CIAO3: variants seen among roughly 807,000 people sequenced by gnomAD.
The protein encoded by CIAO3 is LET1 like/JFP15.
In CIAO3, 45 loss-of-function variants were observed where a neutral mutation model predicts 51.5. That is an observed-to-expected ratio of 0.87 (90% CI 0.69 to 1.12). The LOEUF (loss-of-function observed/expected upper bound fraction) is 1.12. CIAO3 is among the 50% of genes most tolerant of loss of function. The pLI is 0.00. For missense variants in CIAO3, 668 were observed against 632.5 expected, an observed-to-expected ratio of 1.06 and a Z score of -0.60; for synonymous variants, 314 against 269.3, an observed-to-expected ratio of 1.17 and a Z score of -1.63.
At chr16:740,891 C>A in intron 1 of CIAO3, 29 bp downstream of exon 1, 1 of 1,527,226 alleles carries the variant, frequency 6.5e-7, no homozygotes, top group Non-Finnish European at 8.8e-7. Flanking sequence ...CGAGCGCAGC[C>A]TCGACCCCGC....
intron 4 of CIAO3, among the ~76,000 whole-genome samples, chr16:735,792 G>A (rs1242789313): frequency 2.0e-5 from 3 of 152,188 alleles, no homozygotes; most frequent in Non-Finnish European, 4.4e-5. Context: ...TGAAGGGACT[G>A]GACATGGTGG....
intron 3 of CIAO3, 146 bp from the exon 4 acceptor site, chr16:736,544 T>A: frequency 6.9e-6 from 7 of 1,019,460 alleles, no homozygotes; most frequent in Non-Finnish European, 9.8e-6. Flanking sequence ...ACACAGAGTC[T>A]CACTCTGTTG....
In CIAO3 at chr16:732,329, CG is replaced by C; in HGVS notation, c.867del (p.Asp290ThrfsTer55). ...RLLEEEGVSL[P>X]DLEPAPLDSL... is the part of the protein sequence containing the mutation. ...CTGTCCAGAGGGGCTGGTTCCAGGT[CG>C]GGGAGGGAGACGCCCTCTTCCTCCA... On this transcript the variant is annotated frameshift_variant, in exon 8 of 11. Transcript: ENST00000251588. LOFTEE classifies it high-confidence loss of function. 12 of 1,612,748 alleles carry C rather than the reference CG, an allele frequency of 7.4e-6. No individual in the cohort carries two copies. The highest frequency in any genetic ancestry group is 1.0e-5 in the Non-Finnish European group (12 of 1,179,720).
chr16:737,585 G>T lies in CIAO3; in HGVS notation c.163-256C>A, dbSNP rs2041352372. On this transcript the variant is annotated intron_variant, in intron 2 of 10. Coordinates refer to ENST00000251588, the MANE Select transcript of CIAO3 (RefSeq NM_022493.3). This position sits in a 1 kb window ranked among gnomAD's most constrained non-coding sequence, Gnocchi z 5.3. ...ATCACAGGACTAAGGCTTGCCACTG[G>T]TATCTCAGCAAAGCAGCAGCCACCC... 6.9e-7 allele frequency: 1 copy of T among 1,449,824 alleles called. No individual in the cohort carries two copies. 89.8% of individuals were successfully genotyped at this position (1,449,824 alleles called of 1,614,324 possible).
rs562814658 is a variant in CIAO3 at position 733,931 on chromosome 16, C to T, written c.693+298G>A. The T allele has an allele frequency of 1.9e-5, 8 of 432,234 alleles. No individual in the cohort carries two copies. In the East Asian group the frequency reaches 2.4e-4, roughly 13 times the overall value. 26.8% of individuals were successfully genotyped at this position (432,234 alleles called of 1,614,324 possible). On this transcript the variant is annotated intron_variant, in intron 6 of 10. Coordinates refer to ENST00000251588, the MANE Select transcript of CIAO3 (RefSeq NM_022493.3). ...AGGTGGGGGTCGTGCTGGGCATCCTCGTGGACCTGGTGGCCGGAGGGGTGG... is the reference window on the plus strand; with the variant it reads ...AGGTGGGGGTCGTGCTGGGCATCCTTGTGGACCTGGTGGCCGGAGGGGTGG...
chr16:736,196 G>A (rs1262604432), intron 4 of CIAO3, 70 bp downstream of exon 4: 12 of 1,589,764 alleles, frequency 7.5e-6, no homozygotes, highest in East Asian at 4.5e-5. Flanking sequence ...TCAGAGGCGC[G>A]AGGGGCCTGG....
At position 737,706 on chromosome 16, in the gene CIAO3, G is replaced by A. The variant is rs184454795; in HGVS notation, c.163-377C>T. ...TGCCGAAGGTGGGCTCTGAAAGGAG[G>A]AGGCGGGAAAGCTGAGGACAAAGGA... is the stretch of plus-strand genomic sequence containing the variant. On this transcript the variant is annotated intron_variant, in intron 2 of 10. Transcript: ENST00000251588. The surrounding 1 kb of genome is among the most constrained non-coding windows in gnomAD (Gnocchi z 5.3). The A allele has an allele frequency of 5.9e-4, 772 of 1,300,648 alleles. 4 individuals carry two copies. The African/African-American group carries it at 0.01, about 17-fold the overall frequency. 80.6% of individuals were successfully genotyped at this position (1,300,648 alleles called of 1,614,324 possible). A position where few individuals can be genotyped will look rare whatever the true frequency, so the allele number is the denominator to read the frequency against.
Position 737,121 on chromosome 16 carries a change from C to CA in CIAO3, c.306+64_306+65insT. The CA allele has an allele frequency of 3.7e-6, 6 of 1,600,292 alleles. No homozygotes were observed. The highest frequency in any genetic ancestry group is 5.1e-6 in the Non-Finnish European group (6 of 1,169,338). ...ACCACACGAGCTGCCCTTGGCAAAA[C>CA]GCGTTGTCGGCTGCTGGGATGGATT... On this transcript the variant is annotated intron_variant, in intron 3 of 10. Coordinates refer to ENST00000251588, the MANE Select transcript of CIAO3 (RefSeq NM_022493.3). This position sits in a 1 kb window ranked among gnomAD's most constrained non-coding sequence, Gnocchi z 5.3.
chr16:732,858 G>C (rs2041299603), intron 7 of CIAO3: 1 of 319,684 alleles, frequency 3.1e-6, no homozygotes, highest in Admixed American at 4.4e-5. Context: ...GGCTGGTCTT[G>C]AACTCCTGAC....
intron 4 of CIAO3, 135 bp downstream of exon 4, chr16:736,131 A>T: frequency 8.7e-7 from 1 of 1,144,944 alleles, no homozygotes; most frequent in Non-Finnish European, 1.2e-6. Flanking sequence ...GAGGTCACAG[A>T]GGGAATAAAG....
intron 8 of CIAO3, 139 bp from the exon 9 acceptor site, chr16:731,841 G>A (rs1323587812): frequency 8.5e-7 from 1 of 1,178,460 alleles, no homozygotes; most frequent in African/African-American, 1.6e-5. Context: ...CAGCTCCTGT[G>A]TCACCAGCCA....
intron 1 of CIAO3, chr16:740,212 C>G: frequency 1.2e-6 from 1 of 817,944 alleles, no homozygotes. Context: ...TCATCCCTGC[C>G]GGAAGCGCTC....
At position 737,304 on chromosome 16, in the gene CIAO3, TTCTCCAGCC is replaced by T; in HGVS notation, c.179_187del (p.Arg60_Glu62del). ...GCAGTCGTTTAGCGAGACCTTGGCC[TTCTCCAGCC>T]TCCGGGTCCCGCCGTCCTACAAGGG... On this transcript the variant is annotated inframe_deletion, in exon 3 of 11. Transcript: ENST00000251588. The surrounding 1 kb of genome is among the most constrained non-coding windows in gnomAD (Gnocchi z 5.3). 1 of 1,613,244 alleles carries T rather than the reference TTCTCCAGCC, an allele frequency of 6.2e-7. No individual in the cohort carries two copies. Among genetic ancestry groups the T allele is most frequent in the Admixed American group, 1.7e-5 (1 of 60,016 alleles).
intron 10 of CIAO3, 23 bp downstream of exon 10, chr16:730,820 G>A (rs918336022): frequency 1.9e-6 from 3 of 1,611,274 alleles, no homozygotes; most frequent in African/African-American, 1.3e-5. Context: ...GGGTCCTCGT[G>A]TCCTGTCCCT....
rs775483493 is a variant in CIAO3 at position 736,271 on chromosome 16, T to A, written c.434A>T (p.Lys145Ile). 6.2e-7 allele frequency: 1 copy of A among 1,612,770 alleles called. No homozygotes were observed. Residue 145 changes from lysine to isoleucine, a missense_variant, in exon 4 of 11, where the codon AAA (lysine) becomes ATA (isoleucine). By Grantham distance (102) the Lys-to-Ile change is moderately radical (BLOSUM62 -3). Transcript: ENST00000251588. Reference sequence around the variant, plus strand: ...ACCCCAGGTTCAAAGCCTACCTATTTTTTTAAAGAATGAGGTTAATTTCCT... The same window carrying A: ...ACCCCAGGTTCAAAGCCTACCTATTATTTTAAAGAATGAGGTTAATTTCCT... ...TARKLTSFFK[K>I]IGVHFVFDTA... is the part of the protein sequence containing the mutation.
intron 6 of CIAO3, 97 bp downstream of exon 6, chr16:734,132 C>T (rs974856608): frequency 2.2e-5 from 24 of 1,080,564 alleles, no homozygotes; most frequent in South Asian, 1.0e-4. Flanking sequence ...CACAGCACAG[C>T]GAGGACTCTG....
intron 6 of CIAO3, 49 bp from the exon 7 acceptor site, chr16:733,476 G>A: frequency 6.2e-7 from 1 of 1,609,632 alleles, no homozygotes; most frequent in Admixed American, 1.7e-5. Context: ...CAGTAAGGTG[G>A]CTGAGACGGG....
chr16:740,605 G>T, intron 1 of CIAO3: 1 of 465,984 alleles, frequency 2.1e-6, no homozygotes, highest in Non-Finnish European at 3.8e-6. Context: ...CGCCTCTGCT[G>T]CCTCCTCTGG....
intron 1 of CIAO3, 161 bp from the exon 2 acceptor site, chr16:739,899 A>G (rs1039143483): frequency 5.5e-5 from 67 of 1,219,674 alleles, no homozygotes; most frequent in Admixed American, 2.3e-4. Flanking sequence ...TTCCTGCCCC[A>G]CTGCTCTCAC....
Sources: allele counts gnomAD v4.1 joint callset (sites outside exome capture counted in the v4.1 genomes callset), GRCh38; gene constraint gnomAD v4.1.1; non-coding constraint Gnocchi (gnomAD v3.1); transcripts MANE v1.5; gene names NCBI Gene and HGNC (gene_info 2026-07-23, HGNC 2026-07-21).